XRRA1: variants seen among roughly 807,000 people sequenced by gnomAD.
XRRA1 encodes X-ray radiation resistance associated 1.
XRRA1 carries 69 observed loss-of-function variants against 80.2 expected under a neutral mutation model. The ratio of observed to expected loss-of-function variants is 0.86; its 90% CI spans 0.71 to 1.05. The LOEUF (loss-of-function observed/expected upper bound fraction) is 1.05, where lower values mean the gene tolerates loss of function less well. Ranked by LOEUF, XRRA1 falls within the 50% of genes least tolerant of loss-of-function variation. The probability of loss-of-function intolerance (pLI) is 0.00; values close to 1 mark genes in which losing one functional copy is unlikely to be tolerated. For missense variants in XRRA1, 967 were observed against 976.4 expected (o/e 0.99, Z 0.13); for synonymous variants, 348 against 389.9 (o/e 0.89, Z 1.27).
chr11:74,877,025 A>T (rs539566406), intron 10 of XRRA1: 1 of 152,342 alleles, frequency 6.6e-6, no homozygotes, highest in South Asian at 2.1e-4. Flanking sequence ...ACCCTTGTGT[A>T]AATTGTTATA....
chr11:74,883,505 G>A (rs2048258165), intron 10 of XRRA1, among the ~76,000 whole-genome samples: 1 of 151,828 alleles, frequency 6.6e-6, no homozygotes, highest in Non-Finnish European at 1.5e-5. Context: ...GTAGACCGGA[G>A]CTGTTCCTAT....
intron 7 of XRRA1, among the ~76,000 whole-genome samples, chr11:74,926,221 A>G (rs1396723218): frequency 6.6e-6 from 1 of 152,198 alleles, no homozygotes; most frequent in Non-Finnish European, 1.5e-5. Context: ...AAATGCAAAG[A>G]TATATAATCC....
rs1313500383 is a variant in XRRA1, at chr11:74,927,365, C to A, written c.522+26G>T. 2.7e-6 allele frequency: 4 copies of A among 1,471,122 alleles called. No individual in the cohort carries two copies. In the Admixed American group the frequency reaches 6.8e-5, roughly 25 times the overall value. The allele number at this position is 1,471,122 out of a possible 1,614,324, so 91.1% of individuals were successfully genotyped here. A position where few individuals can be genotyped will look rare whatever the true frequency, so the allele number is the denominator to read the frequency against. On this transcript the variant is annotated intron_variant, in intron 7 of 18. Transcript: ENST00000684022. ...TCCTTACAGGGGAACTTGGTGGGCA[C>A]CAAAAACTCCCTACCTCCAACTTAC... is the stretch of plus-strand genomic sequence containing the variant.
intron 12 of XRRA1, among the ~76,000 whole-genome samples, chr11:74,856,000 C>T (rs1158499423): frequency 6.6e-6 from 1 of 152,034 alleles, no homozygotes; most frequent in Non-Finnish European, 1.5e-5. Flanking sequence ...GGCGTGGTAG[C>T]GGGTGCCTGT....
chr11:74,931,305 G>A (rs1943507846), intron 5 of XRRA1, among the ~76,000 whole-genome samples: 1 of 151,738 alleles, frequency 6.6e-6, no homozygotes, highest in Non-Finnish European at 1.5e-5. Flanking sequence ...TACATATGTT[G>A]ACAGTTGTAG....
chr11:74,843,773 A>G (rs771547426), intron 18 of XRRA1, 81 bp downstream of exon 18: 6 of 1,297,848 alleles, frequency 4.6e-6, no homozygotes, highest in Non-Finnish European at 6.5e-6. Context: ...CCTTTCCTGC[A>G]CTGACACAAG....
chr11:74,904,752 T>C (rs2054220522), intron 10 of XRRA1, among the ~76,000 whole-genome samples: 1 of 151,832 alleles, frequency 6.6e-6, no homozygotes, highest in African/African-American at 2.4e-5. Context: ...AAAATAAATA[T>C]TCATATCAAA....
chr11:74,919,870 G>A, intron 8 of XRRA1: 1 of 403,046 alleles, frequency 2.5e-6, no homozygotes, highest in Non-Finnish European at 4.7e-6. Flanking sequence ...ATATAATGAG[G>A]ATGAAGATTC....
rs1410537943 is a variant in XRRA1, at chr11:74,852,058, G to T, written c.1195C>A (p.Pro399Thr). Residue 399 changes from proline to threonine, a missense_variant, in exon 13 of 19, where the codon CCA becomes ACA. Pro to Thr is a conservative substitution (Grantham distance 38). Transcript: ENST00000684022. ...NKIAKEDAVLPVALFPSLCEF... is the reference protein window; with the variant it reads ...NKIAKEDAVLTVALFPSLCEF... ...CAGAGAGATGGGAAGAGAGCTACTG[G>T]TAGGACAGCATCCTCTTTTGCGATC... 8 of 1,613,792 alleles carry T rather than the reference G, an allele frequency of 5.0e-6. No homozygotes were observed. The African/African-American group carries it at 5.3e-5, about 11-fold the overall frequency.
At chr11:74,890,298 A>G (rs1292754305) in intron 10 of XRRA1, among the ~76,000 whole-genome samples, 3 of 152,370 alleles carry the variant, frequency 2.0e-5, no homozygotes, top group African/African-American at 7.2e-5. Flanking sequence ...CTCCTGAATG[A>G]CTACTGGGTA....
At position 74,842,430 on chromosome 11, in the gene XRRA1, A is replaced by G. The variant is rs1292741027; in HGVS notation, c.*770T>C. 1 of 152,394 alleles carries G rather than the reference A, an allele frequency of 6.6e-6. No individual in the cohort carries two copies. Among genetic ancestry groups the G allele is most frequent in the East Asian group, 1.9e-4 (1 of 5,188 alleles). 9.4% of individuals were successfully genotyped at this position (152,394 alleles called of 1,614,324 possible). On this transcript the variant is annotated 3_prime_UTR_variant, in exon 19 of 19. Transcript: ENST00000684022. ...GAAAGTGGATGTTCTGTTTATAGTC[A>G]GAGTCTTGTCTCTGGTGAACAATCT...
At chr11:74,927,684 C>T (rs958969900) in intron 6 of XRRA1, among the ~76,000 whole-genome samples, 196 bp from the exon 7 acceptor site, 9 of 152,184 alleles carry the variant, frequency 5.9e-5, no homozygotes, top group Admixed American at 4.6e-4. Flanking sequence ...GACTAAGGCT[C>T]AGCCAAGCTA....
At chr11:74,936,787 G>T in intron 4 of XRRA1, 97 bp downstream of exon 4, 1 of 1,400,186 alleles carries the variant, frequency 7.1e-7, no homozygotes, top group Non-Finnish European at 9.6e-7. Flanking sequence ...GTTTGGAGTA[G>T]ATTGGGGGTA....
intron 3 of XRRA1, among the ~76,000 whole-genome samples, chr11:74,939,576 C>G (rs1183310918): frequency 6.6e-6 from 1 of 152,254 alleles, no homozygotes; most frequent in East Asian, 1.9e-4. Flanking sequence ...TTACTTCTGG[C>G]ACCATAAGAT....
intron 15 of XRRA1, chr11:74,846,171 G>C (rs2038089425): frequency 6.6e-6 from 1 of 152,194 alleles, no homozygotes; most frequent in African/African-American, 2.4e-5. Flanking sequence ...AACAGCCATT[G>C]CACTACAGCC....
chr11:74,925,354 C>T (rs1209790200), intron 7 of XRRA1, among the ~76,000 whole-genome samples: 1 of 151,786 alleles, frequency 6.6e-6, no homozygotes, highest in African/African-American at 2.4e-5. Context: ...CTACTCTGGG[C>T]TTTTCCTCCT....
chr11:74,915,838 AG>A (rs1565396957), intron 8 of XRRA1, among the ~76,000 whole-genome samples: 3 of 152,146 alleles, frequency 2.0e-5, no homozygotes, highest in Non-Finnish European at 2.9e-5. Flanking sequence ...GTATTTACGC[AG>A]GGCGGGACTG....
At chr11:74,877,821 T>C (rs1382828157) in intron 10 of XRRA1, among the ~76,000 whole-genome samples, 6 of 152,300 alleles carry the variant, frequency 3.9e-5, no homozygotes, top group South Asian at 2.1e-4. Context: ...CATAGTATTC[T>C]ATGGTGTTTA....
At chr11:74,903,790 T>G (rs1382069374) in intron 10 of XRRA1, among the ~76,000 whole-genome samples, 1 of 152,116 alleles carries the variant, frequency 6.6e-6, no homozygotes, top group Non-Finnish European at 1.5e-5. Flanking sequence ...AAAAATCAAG[T>G]AACAGAAAGA....
Sources: gnomAD v4.1 joint callset for allele counts (sites outside exome capture counted in the v4.1 genomes callset) on GRCh38, gnomAD v4.1.1 for gene constraint, MANE v1.5 for transcripts, NCBI Gene and HGNC (gene_info 2026-07-23, HGNC 2026-07-21) for gene names.